The following EPHB1 variants were observed in gnomAD, a reference collection of about 807,000 sequenced individuals.
EPHB1 encodes ephrin type-B receptor 1.
EPHB1 carries 30 observed loss-of-function variants against 94.4 expected under a neutral mutation model. That is an observed-to-expected ratio of 0.32 (90% CI 0.24 to 0.43). The LOEUF (loss-of-function observed/expected upper bound fraction) is 0.43, where lower values mean the gene tolerates loss of function less well. Ranked by LOEUF, EPHB1 falls within the 20% of genes least tolerant of loss-of-function variation. The pLI, the probability that EPHB1 is intolerant of heterozygous loss-of-function variation, is 1.00. For synonymous variants in EPHB1, 522 were observed against 489.1 expected (o/e 1.07, Z -0.89); for missense variants, 1,055 against 1,308.3 (o/e 0.81, Z 2.99).
chr3:135,158,931 G>A (rs1019770771), intron 6 of EPHB1, among the ~76,000 whole-genome samples: 3 of 152,128 alleles, frequency 2.0e-5, no homozygotes, highest in Admixed American at 1.3e-4. Flanking sequence ...TTTTAGGATC[G>A]TTTTCTCATA....
At chr3:135,094,475 G>T (rs1171822351) in intron 3 of EPHB1, among the ~76,000 whole-genome samples, 3 of 152,138 alleles carry the variant, frequency 2.0e-5, no homozygotes, top group Non-Finnish European at 4.4e-5. Flanking sequence ...GACAGGAGGG[G>T]CCTGTCGGCT....
chr3:134,945,232 G>A (rs1337723174), intron 2 of EPHB1, among the ~76,000 whole-genome samples: 1 of 151,900 alleles, frequency 6.6e-6, no homozygotes, highest in East Asian at 1.9e-4. Flanking sequence ...GGCTATTTCT[G>A]TCATGCCAAT....
intron 12 of EPHB1, among the ~76,000 whole-genome samples, chr3:135,202,736 G>T (rs949313921): frequency 6.6e-6 from 1 of 152,244 alleles, no homozygotes; most frequent in Admixed American, 6.5e-5. Flanking sequence ...TGCTGGTGAG[G>T]CTGTGGAGAA....
chr3:135,122,541 C>T (rs978942701), intron 4 of EPHB1, among the ~76,000 whole-genome samples: 2 of 152,148 alleles, frequency 1.3e-5, no homozygotes, highest in Non-Finnish European at 2.9e-5. Flanking sequence ...TGGATAGTAA[C>T]CTGAGACTAG....
chr3:134,801,729 A>G (rs2035938697), intron 1 of EPHB1, among the ~76,000 whole-genome samples: 1 of 152,190 alleles, frequency 6.6e-6, no homozygotes. Context: ...TGCAGATTCC[A>G]TTTCAAGTGG....
intron 1 of EPHB1, among the ~76,000 whole-genome samples, chr3:134,871,782 G>A (rs536808429): frequency 7.2e-5 from 11 of 152,200 alleles, no homozygotes; most frequent in East Asian, 5.8e-4. Context: ...AGTCTCCTCC[G>A]CCATGTTATG....
At chr3:135,227,616 A>T (rs1273399593) in intron 12 of EPHB1, among the ~76,000 whole-genome samples, 1 of 152,132 alleles carries the variant, frequency 6.6e-6, no homozygotes, top group Non-Finnish European at 1.5e-5. Flanking sequence ...TTCTGATGCT[A>T]TGTTATTTCA....
chr3:135,177,877 A>T (rs9822213), intron 9 of EPHB1, among the ~76,000 whole-genome samples: 1 of 151,902 alleles, frequency 6.6e-6, no homozygotes, highest in Non-Finnish European at 1.5e-5. Flanking sequence ...CCCCATCTCC[A>T]TTTTTCTCTT....
At chr3:134,942,293 T>A (rs1354205873) in intron 2 of EPHB1, among the ~76,000 whole-genome samples, 2 of 152,014 alleles carry the variant, frequency 1.3e-5, no homozygotes, top group African/African-American at 4.8e-5. Flanking sequence ...TGGATTTGTA[T>A]TTTAGAAAAC....
chr3:135,178,913 C>T (rs984640584), intron 9 of EPHB1, among the ~76,000 whole-genome samples: 9 of 152,180 alleles, frequency 5.9e-5, no homozygotes, highest in African/African-American at 2.2e-4. Context: ...GCCTTTCCAC[C>T]ACCCACCACC....
At chr3:135,132,249 G>A (rs1013963077) in intron 4 of EPHB1, among the ~76,000 whole-genome samples, 1 of 152,182 alleles carries the variant, frequency 6.6e-6, no homozygotes, top group Non-Finnish European at 1.5e-5. Context: ...GATCCCAAAT[G>A]TGTGAGATTT....
chr3:134,796,381 G>A (rs2035827514), intron 1 of EPHB1: 1 of 153,210 alleles, frequency 6.5e-6, no homozygotes, highest in African/African-American at 2.4e-5. Context: ...CCTTGGAACA[G>A]GAGTGGGCTG....
intron 3 of EPHB1, among the ~76,000 whole-genome samples, chr3:134,960,162 A>G (rs1356801574): frequency 6.6e-6 from 1 of 151,770 alleles, no homozygotes; most frequent in African/African-American, 2.4e-5. Context: ...GCCATTGATG[A>G]GTTGAATTGA....
In EPHB1 at chr3:134,795,269, G is replaced by C; in HGVS notation, c.-363G>C. The C allele has an allele frequency of 2.6e-6, 1 of 380,474 alleles. No homozygotes were observed. Among genetic ancestry groups the C allele is most frequent in the Non-Finnish European group, 4.7e-6 (1 of 211,162 alleles). 23.6% of individuals were successfully genotyped at this position (380,474 alleles called of 1,614,324 possible). ...CGCTCCCTCCCGCGTCAGTCTGGCC[G>C]GCTCCGTCCTCCCGTAGGCTCCGCT... On this transcript the variant is annotated 5_prime_UTR_variant, in exon 1 of 16. Transcript: ENST00000398015.
chr3:135,162,404 C>T (rs1194763988), intron 7 of EPHB1, among the ~76,000 whole-genome samples: 2 of 152,156 alleles, frequency 1.3e-5, no homozygotes, highest in African/African-American at 4.8e-5. Context: ...GGTCTCTTGC[C>T]ATGTGTGATC....
chr3:135,044,999 C>G (rs115013367), intron 3 of EPHB1, among the ~76,000 whole-genome samples: 1,841 of 152,214 alleles, frequency 0.012, 28 homozygotes, highest in African/African-American at 0.042. Flanking sequence ...CTGAGAAGTG[C>G]CGAGTAATTT....
intron 2 of EPHB1, among the ~76,000 whole-genome samples, chr3:134,931,478 C>T (rs967689017): frequency 2.6e-5 from 4 of 152,216 alleles, no homozygotes; most frequent in South Asian, 2.1e-4. Context: ...AAACATCTAC[C>T]TGAGTTCTTA....
At chr3:135,248,185 G>A (rs1057073157) in intron 13 of EPHB1, 131 bp from the exon 14 acceptor site, 9 of 761,256 alleles carry the variant, frequency 1.2e-5, no homozygotes, top group Non-Finnish European at 1.6e-5. Flanking sequence ...TACAGCGGAA[G>A]GTGTGCAAGC....
At chr3:135,249,562 G>A (rs1932978497) in intron 15 of EPHB1, 71 bp downstream of exon 15, 3 of 1,531,430 alleles carry the variant, frequency 2.0e-6, no homozygotes. Flanking sequence ...ATTGCAGATG[G>A]TGTGAGTCCT....
Sources: gnomAD v4.1 joint callset for allele counts (sites outside exome capture counted in the v4.1 genomes callset) on GRCh38, gnomAD v4.1.1 for gene constraint, MANE v1.5 for transcripts, NCBI Gene and HGNC (gene_info 2026-07-23, HGNC 2026-07-21) for gene names.